Variants in TRMT11 observed in about 807,000 individuals in gnomAD.
TRMT11 encodes the protein tRNA methyltransferase 11, also known as tRNA (guanine(10)-N(2))-methyltransferase TRMT11.
TRMT11 carries 53 observed loss-of-function variants against 62.8 expected under a neutral mutation model. That is an observed-to-expected ratio of 0.84 (90% CI 0.68 to 1.06). The LOEUF is 1.06. Ranked by LOEUF, TRMT11 falls within the 50% of genes least tolerant of loss-of-function variation. The probability of loss-of-function intolerance (pLI) is 0.00; values close to 1 mark genes in which losing one functional copy is unlikely to be tolerated. For missense variants in TRMT11, 556 were observed against 553.4 expected, an observed-to-expected ratio of 1.00 and a Z score of -0.05; for synonymous variants, 188 against 190.3, an observed-to-expected ratio of 0.99 and a Z score of 0.10.
At chr6:126,036,846 T>C (rs930122582) in intron 12 of TRMT11, among the ~76,000 whole-genome samples, 4 of 152,082 alleles carry the variant, frequency 2.6e-5, no homozygotes, top group Middle Eastern at 3.2e-3. Flanking sequence ...TGTTCTGTGT[T>C]GCCGTTATCC....
At chr6:126,050,566 G>T (rs575482495) in intron 16 of TRMT11, among the ~76,000 whole-genome samples, 1 of 152,154 alleles carries the variant, frequency 6.6e-6, no homozygotes, top group South Asian at 2.1e-4. Flanking sequence ...AGGTGTAGTG[G>T]CACATGCCTG....
At chr6:126,197,958 C>T (rs761142713) in intron 1 of TRMT11, among the ~76,000 whole-genome samples, 1 of 152,128 alleles carries the variant, frequency 6.6e-6, no homozygotes, top group Admixed American at 6.5e-5. Flanking sequence ...AACTAGTAGA[C>T]CCTTTCTTAT....
intron 17 of TRMT11, among the ~76,000 whole-genome samples, chr6:126,072,619 T>A (rs1254837654): frequency 6.6e-6 from 1 of 152,216 alleles, no homozygotes; most frequent in East Asian, 1.9e-4. Context: ...CAGTTCAGGC[T>A]GCTATAACAA....
chr6:126,237,318 C>G, the TRMT11 span, among the ~76,000 whole-genome samples: 1 of 152,186 alleles, frequency 6.6e-6, no homozygotes, highest in Non-Finnish European at 1.5e-5. Flanking sequence ...TTCTTTCCGT[C>G]TATCTCCATC....
chr6:126,139,659 A>G (rs962105818), intron 21 of TRMT11, among the ~76,000 whole-genome samples: 7 of 152,252 alleles, frequency 4.6e-5, no homozygotes, highest in Non-Finnish European at 8.8e-5. Context: ...GTGAGCCATC[A>G]TGCCCAGCCT....
downstream of TRMT11, among the ~76,000 whole-genome samples, chr6:126,208,009 G>A (rs1311440161): frequency 1.3e-5 from 2 of 152,118 alleles, no homozygotes; most frequent in African/African-American, 4.8e-5. Flanking sequence ...AGAAACAAAG[G>A]ATTGTTTGTG....
the TRMT11 span, among the ~76,000 whole-genome samples, chr6:126,227,376 G>T: frequency 1.3e-5 from 2 of 152,162 alleles, no homozygotes; most frequent in South Asian, 2.1e-4. Flanking sequence ...GATTCGAGGT[G>T]TCAGAGTCCG....
the TRMT11 span, among the ~76,000 whole-genome samples, chr6:126,245,364 A>T: frequency 6.6e-6 from 1 of 152,242 alleles, no homozygotes; most frequent in Non-Finnish European, 1.5e-5. Flanking sequence ...GTCTAATTTG[A>T]AACTGTTCAC....
At chr6:126,255,404 A>C in the TRMT11 span, among the ~76,000 whole-genome samples, 3 of 152,124 alleles carry the variant, frequency 2.0e-5, no homozygotes, top group African/African-American at 4.8e-5. Flanking sequence ...AATATTGTTA[A>C]ATTGCCACAT....
chr6:126,145,998 A>G (rs891937424), intron 21 of TRMT11, among the ~76,000 whole-genome samples: 3 of 152,216 alleles, frequency 2.0e-5, no homozygotes, highest in Non-Finnish European at 2.9e-5. Context: ...GGATTATTTT[A>G]TCTCAAACAT....
rs140329042 is a variant in TRMT11, at chr6:125,986,563, T to A, written c.13T>A (p.Cys5Ser). MALS[C>S]TLNRYLLLMA... ...GTGGGCAGCTGCAATGGCGCTGTCGTGTACCCTTAACAGGTATCTGCTCCT... is the reference window on the plus strand; with the variant it reads ...GTGGGCAGCTGCAATGGCGCTGTCGAGTACCCTTAACAGGTATCTGCTCCT... Residue 5 changes from cysteine (C) to serine (S), a missense_variant, in exon 1 of 13, where the codon TGT (cysteine) becomes AGT (serine). Physicochemically the swap from Cys to Ser is moderately radical, Grantham distance 112 (BLOSUM62 -1). Coordinates refer to ENST00000334379, the MANE Select transcript of TRMT11 (RefSeq NM_001031712.3). The A allele has an allele frequency of 6.5e-5, 103 of 1,591,312 alleles. No individual in the cohort carries two copies. The African/African-American group carries it at 1.2e-3, about 19-fold the overall frequency.
chr6:126,107,412 G>A (rs553504271), intron 17 of TRMT11, among the ~76,000 whole-genome samples: 207 of 152,162 alleles, frequency 1.4e-3, no homozygotes, highest in Non-Finnish European at 2.5e-3. Context: ...CCCTGACAAG[G>A]TATGAACTGG....
intron 21 of TRMT11, among the ~76,000 whole-genome samples, chr6:126,143,957 T>C (rs977233188): frequency 3.3e-5 from 5 of 152,202 alleles, no homozygotes; most frequent in Admixed American, 6.6e-5. Context: ...GACAACAATT[T>C]ACCAGTTAAA....
the TRMT11 span, among the ~76,000 whole-genome samples, chr6:126,213,771 C>T: frequency 2.0e-5 from 3 of 152,040 alleles, no homozygotes; most frequent in Non-Finnish European, 4.4e-5. Flanking sequence ...CTAGCTAGGA[C>T]TTCCAGTACT....
chr6:126,256,608 G>A, the TRMT11 span, among the ~76,000 whole-genome samples: 1 of 152,240 alleles, frequency 6.6e-6, no homozygotes, highest in Non-Finnish European at 1.5e-5. Context: ...ATACAATAAT[G>A]GAAGAGGAAT....
chr6:126,249,588 TAA>T, the TRMT11 span, among the ~76,000 whole-genome samples: 1 of 152,118 alleles, frequency 6.6e-6, no homozygotes, highest in African/African-American at 2.4e-5. Flanking sequence ...CTAAAATGGA[TAA>T]GTCAAGAAAT....
chr6:126,230,394 A>C, the TRMT11 span, among the ~76,000 whole-genome samples: 1 of 152,154 alleles, frequency 6.6e-6, no homozygotes. Flanking sequence ...TGGCTTCCTT[A>C]GCTTCGAACT....
At chr6:126,222,037 A>G in the TRMT11 span, among the ~76,000 whole-genome samples, 2 of 152,344 alleles carry the variant, frequency 1.3e-5, no homozygotes, top group East Asian at 3.9e-4. Context: ...ATGGCTAGCC[A>G]GTTATTCTAG....
the TRMT11 span, chr6:126,258,263 G>A: frequency 5.4e-6 from 3 of 551,926 alleles, no homozygotes; most frequent in Admixed American, 4.3e-5. Context: ...TGCGGCCCTG[G>A]GGGGTGGGCT....
Sources: gnomAD v4.1 joint callset for allele counts (sites outside exome capture counted in the v4.1 genomes callset) on GRCh38, gnomAD v4.1.1 for gene constraint, MANE v1.5 for transcripts, NCBI Gene and HGNC (gene_info 2026-07-23, HGNC 2026-07-21) for gene names.